The following RPH3AL variants were observed in gnomAD, a reference collection of about 807,000 sequenced individuals.
The protein encoded by RPH3AL is rabphilin 3A like (without C2 domains).
RPH3AL carries 38 observed loss-of-function variants against 43.1 expected under a neutral mutation model. The ratio of observed to expected loss-of-function variants is 0.88; its 90% CI spans 0.68 to 1.15. The LOEUF is 1.15. RPH3AL is among the 50% of genes most tolerant of loss of function. The pLI, the probability that RPH3AL is intolerant of heterozygous loss-of-function variation, is 0.00. For missense variants in RPH3AL, 462 were observed against 423.2 expected, an observed-to-expected ratio of 1.09 and a Z score of -0.81; for synonymous variants, 189 against 176.3, an observed-to-expected ratio of 1.07 and a Z score of -0.57.
chr17:230,796 G>A (rs747486107), intron 7 of RPH3AL, among the ~76,000 whole-genome samples: 1 of 152,190 alleles, frequency 6.6e-6, no homozygotes, highest in Non-Finnish European at 1.5e-5. Flanking sequence ...GTGTCTCTGG[G>A]GCCTTCACTG....
At chr17:242,364 T>C (rs2041568727) in intron 7 of RPH3AL, among the ~76,000 whole-genome samples, 2 of 33,446 alleles carry the variant, frequency 6.0e-5, no homozygotes, top group Admixed American at 3.1e-4. Flanking sequence ...CCTTCCTCTA[T>C]TGACTACCTT....
chr17:333,157 C>T lies in RPH3AL; in HGVS notation c.-37+602G>A, dbSNP rs987583197. On this transcript the variant is annotated intron_variant, in intron 2 of 9. Coordinates refer to ENST00000331302, the MANE Select transcript of RPH3AL (RefSeq NM_006987.4). This position sits in a 1 kb window ranked among gnomAD's most constrained non-coding sequence, Gnocchi z 4.5. Reference sequence around the variant, plus strand: ...AGAGACGGCCATTAGAGCTCACCACCCCGGGCGTTCGTCACTGCAGACATC... The same window carrying T: ...AGAGACGGCCATTAGAGCTCACCACTCCGGGCGTTCGTCACTGCAGACATC... The T allele has an allele frequency of 1.9e-5, 23 of 1,195,634 alleles. No homozygotes were observed. The African/African-American group carries it at 3.6e-4, about 19-fold the overall frequency. 74.1% of individuals were successfully genotyped at this position (1,195,634 alleles called of 1,614,324 possible).
intron 5 of RPH3AL, among the ~76,000 whole-genome samples, chr17:309,493 C>T (rs77268020): frequency 3.4e-4 from 41 of 121,418 alleles, no homozygotes; most frequent in East Asian, 9.2e-4. Context: ...GCTGGGGGTC[C>T]GGGATATGGC....
chr17:253,726 T>G (rs76407904), intron 6 of RPH3AL, among the ~76,000 whole-genome samples: 3,697 of 74,388 alleles, frequency 0.05, 359 homozygotes, highest in African/African-American at 0.056. Flanking sequence ...CGTCTGTCCT[T>G]TTCCATCCCT....
intron 6 of RPH3AL, among the ~76,000 whole-genome samples, chr17:256,021 G>A (rs1452662605): frequency 4.7e-5 from 3 of 63,318 alleles, no homozygotes; most frequent in East Asian, 5.4e-4. Flanking sequence ...CCCTAGGAAC[G>A]TGACTACCCT....
chr17:239,291 G>C (rs982323497), intron 7 of RPH3AL, among the ~76,000 whole-genome samples: 3 of 152,186 alleles, frequency 2.0e-5, no homozygotes, highest in Non-Finnish European at 4.4e-5. Context: ...TACTTTCATT[G>C]TGTTATTTTT....
intron 6 of RPH3AL, among the ~76,000 whole-genome samples, chr17:270,650 G>A (rs1168782664): frequency 6.6e-6 from 1 of 151,972 alleles, no homozygotes; most frequent in Non-Finnish European, 1.5e-5. Context: ...AGGAGTTTGA[G>A]GCCAGCCTTG....
At position 272,979 on chromosome 17, in the gene RPH3AL, A is replaced by AGGGGGACATCAGGAAGAGACCCCAGCG. The variant is rs1567604413; in HGVS notation, c.438+8788_438+8789insCGCTGGGGTCTCTTCCTGATGTCCCCC. ...GGCTACGTCAGGGTGAGACCCCAGC[A>AGGGGGACATCAGGAAGAGACCCCAGCG]AGGGCTACGTCAGGGTGAGACCCCA... is the stretch of plus-strand genomic sequence containing the variant. On this transcript the variant is annotated intron_variant, in intron 6 of 9. Transcript: ENST00000331302. Among the ~76,000 whole-genome samples, 20 of 42,670 alleles carry AGGGGGACATCAGGAAGAGACCCCAGCG rather than the reference A, an allele frequency of 4.7e-4. 1 individual carries two copies. Among genetic ancestry groups the AGGGGGACATCAGGAAGAGACCCCAGCG allele is most frequent in the African/African-American group, 1.4e-3 (18 of 12,960 alleles). The allele number at this position is 42,670 out of a possible 152,430, so 28.0% of individuals were successfully genotyped here.
chr17:225,595 C>A lies in RPH3AL; in HGVS notation c.614-5859G>T, dbSNP rs1476476444. 3.3e-5 allele frequency among the ~76,000 whole-genome samples: 5 copies of A among 152,206 alleles called. No homozygotes were observed. The South Asian group carries it at 1.0e-3, about 31-fold the overall frequency. On this transcript the variant is annotated intron_variant, in intron 7 of 9. Transcript: ENST00000331302. This position sits in a 1 kb window ranked among gnomAD's most constrained non-coding sequence, Gnocchi z 4.4. The stretch of plus-strand genomic sequence containing the variant: ...TGAAATTAGAGGCCTGTGGCTCACA[C>A]TTCCCGGGAGCAGGGAGGTGTCCAG...
rs539569338 is a variant in RPH3AL, at chr17:274,946, G to A, written c.438+6822C>T. 1.3e-5 allele frequency among the ~76,000 whole-genome samples: 2 copies of A among 152,180 alleles called. No homozygotes were observed. The highest frequency in any genetic ancestry group is 2.9e-5 in the Non-Finnish European group (2 of 68,032). On this transcript the variant is annotated intron_variant, in intron 6 of 9. Transcript: ENST00000331302. The surrounding 1 kb of genome is among the most constrained non-coding windows in gnomAD (Gnocchi z 4.7). ...ATAAAGGAAATAATGGAGGACTGCC[G>A]GGAAACCAGAGTGGAGAACAGAATC...
At chr17:233,246 C>A (rs148059991) in intron 7 of RPH3AL, among the ~76,000 whole-genome samples, 25 of 152,246 alleles carry the variant, frequency 1.6e-4, no homozygotes, top group South Asian at 8.3e-4. Flanking sequence ...TGCTCTACCC[C>A]CCGCCTGAAA....
At chr17:331,178 AGAG>A (rs1003127496) in intron 2 of RPH3AL, 1 of 156,794 alleles carries the variant, frequency 6.4e-6, no homozygotes, top group Non-Finnish European at 1.4e-5. Context: ...CACAGGACAG[AGAG>A]GAGGAGGCCG....
rs193171915 is a variant in RPH3AL, at chr17:251,377, G to A, written c.439-4092C>T. Among the ~76,000 whole-genome samples, 129 of 152,276 alleles carry A rather than the reference G, an allele frequency of 8.5e-4. 1 individual carries two copies. Among genetic ancestry groups the A allele is most frequent in the African/African-American group, 3.1e-3 (128 of 41,568 alleles). ...CTCCTCCCCCATTCCCAGAAGCATCGAAGAAGCTTATTATCTCCACTTTTC... is the reference window on the plus strand; with the variant it reads ...CTCCTCCCCCATTCCCAGAAGCATCAAAGAAGCTTATTATCTCCACTTTTC... On this transcript the variant is annotated intron_variant, in intron 6 of 9. Transcript: ENST00000331302.
intron 7 of RPH3AL, among the ~76,000 whole-genome samples, chr17:229,362 C>T (rs1278129158): frequency 6.6e-6 from 1 of 152,220 alleles, no homozygotes; most frequent in Non-Finnish European, 1.5e-5. Flanking sequence ...GAAATACTTG[C>T]TGACTGTTTT....
chr17:276,661 G>T (rs529526761), intron 6 of RPH3AL, among the ~76,000 whole-genome samples: 4 of 152,120 alleles, frequency 2.6e-5, no homozygotes, highest in African/African-American at 9.7e-5. Context: ...CCAAAATGTC[G>T]GGATTACAGG....
intron 5 of RPH3AL, among the ~76,000 whole-genome samples, chr17:308,006 C>T (rs532096059): frequency 2.6e-5 from 4 of 152,162 alleles, no homozygotes; most frequent in East Asian, 3.8e-4. Flanking sequence ...GCAAGAGAGC[C>T]GAAGCAGGCC....
intron 5 of RPH3AL, among the ~76,000 whole-genome samples, chr17:316,723 A>C: frequency 4.2e-5 from 6 of 142,068 alleles, no homozygotes; most frequent in Admixed American, 7.1e-5. Flanking sequence ...TCTGTGCCCC[A>C]CCTCCATTGA....
At chr17:268,364 T>C (rs999265550) in intron 6 of RPH3AL, among the ~76,000 whole-genome samples, 3 of 152,142 alleles carry the variant, frequency 2.0e-5, no homozygotes, top group Non-Finnish European at 4.4e-5. Flanking sequence ...CTCTTCCTCA[T>C]GATTTTCTTA....
intron 5 of RPH3AL, among the ~76,000 whole-genome samples, chr17:282,353 GT>G (rs1475939072): frequency 1.3e-5 from 2 of 152,260 alleles, no homozygotes; most frequent in African/African-American, 2.4e-5. Context: ...CAACGTGACA[GT>G]TACGTAAACT....
Sources: allele counts gnomAD v4.1 joint callset (sites outside exome capture counted in the v4.1 genomes callset), GRCh38; gene constraint gnomAD v4.1.1; non-coding constraint Gnocchi (gnomAD v3.1); transcripts MANE v1.5; gene names NCBI Gene and HGNC (gene_info 2026-07-23, HGNC 2026-07-21).